The following KIAA0825 variants were observed in gnomAD, a reference collection of about 807,000 sequenced individuals.
KIAA0825 encodes the protein KIAA0825.
KIAA0825 carries 119 observed loss-of-function variants against 147.6 expected under a neutral mutation model. The ratio of observed to expected loss-of-function variants is 0.81; its 90% CI spans 0.69 to 0.94. The LOEUF is 0.94. Ranked by LOEUF, KIAA0825 falls within the 40% of genes least tolerant of loss-of-function variation. KIAA0825 has a pLI of 0.00. For missense variants in KIAA0825, 1,381 were observed against 1,472.7 expected, an observed-to-expected ratio of 0.94 and a Z score of 1.02; for synonymous variants, 470 against 518.1, an observed-to-expected ratio of 0.91 and a Z score of 1.26.
At chr5:94,283,888 T>G (rs986963046) in intron 20 of KIAA0825, among the ~76,000 whole-genome samples, 3 of 152,154 alleles carry the variant, frequency 2.0e-5, no homozygotes, top group African/African-American at 7.2e-5. Context: ...ACAGGAATAA[T>G]CTACTGATTT....
intron 20 of KIAA0825, among the ~76,000 whole-genome samples, chr5:94,315,617 A>G (rs1234832174): frequency 6.6e-6 from 1 of 151,742 alleles, no homozygotes; most frequent in Non-Finnish European, 1.5e-5. Flanking sequence ...GAAAAAATAA[A>G]AATAAGTACT....
chr5:94,570,410 A>G (rs62365668), intron 2 of KIAA0825: 59,577 of 153,228 alleles, frequency 0.39, 12,189 homozygotes, highest in Non-Finnish European at 0.47. Context: ...ACTAGGAGGC[A>G]TTCTAGCCCT....
At position 94,480,721 on chromosome 5, in the gene KIAA0825, G is replaced by C. The variant is rs555711322; in HGVS notation, c.1133-3516C>G. 6.7e-4 allele frequency among the ~76,000 whole-genome samples: 102 copies of C among 151,980 alleles called. No homozygotes were observed. In the Middle Eastern group the frequency reaches 0.027, roughly 41 times the overall value. On this transcript the variant is annotated intron_variant, in intron 6 of 20. Transcript: ENST00000682413. ...ATCTGCCTATATTCAAGATGACTAA[G>C]GAAAAAAAGAAGCTTTCCAAGATTC...
chr5:94,609,973 CT>C (rs1160579481), intron 1 of KIAA0825, among the ~76,000 whole-genome samples: 1 of 152,054 alleles, frequency 6.6e-6, no homozygotes, highest in Admixed American at 6.5e-5. Flanking sequence ...TTTCCGATGG[CT>C]AGCATGAATA....
chr5:94,564,110 A>G (rs2152301003), intron 2 of KIAA0825, among the ~76,000 whole-genome samples: 1 of 151,920 alleles, frequency 6.6e-6, no homozygotes. Flanking sequence ...TTTCTTCCCC[A>G]AAGGCTAATC....
At chr5:94,305,887 C>T (rs1432091265) in intron 20 of KIAA0825, among the ~76,000 whole-genome samples, 1 of 151,832 alleles carries the variant, frequency 6.6e-6, no homozygotes, top group African/African-American at 2.4e-5. Flanking sequence ...GCATCTAACT[C>T]GCAATTACTT....
chr5:94,308,335 GCACTTA>G (rs1312239695), intron 20 of KIAA0825, among the ~76,000 whole-genome samples: 1 of 151,654 alleles, frequency 6.6e-6, no homozygotes, highest in African/African-American at 2.4e-5. Context: ...TAGAATTTAA[GCACTTA>G]CAGGAGAGAG....
intron 20 of KIAA0825, among the ~76,000 whole-genome samples, chr5:94,324,751 A>T (rs918115144): frequency 3.9e-5 from 6 of 152,044 alleles, no homozygotes; most frequent in African/African-American, 1.4e-4. Context: ...AGACAAGGTC[A>T]CAGCATTTTA....
At chr5:94,417,980 C>T (rs1291302152) in intron 14 of KIAA0825, among the ~76,000 whole-genome samples, 1 of 152,074 alleles carries the variant, frequency 6.6e-6, no homozygotes, top group Non-Finnish European at 1.5e-5. Context: ...TCCTTTGGCT[C>T]CATAACAGCC....
At chr5:94,594,740 T>C (rs570845996) in intron 1 of KIAA0825, 34 of 627,832 alleles carry the variant, frequency 5.4e-5, no homozygotes, top group Admixed American at 2.4e-4. Context: ...CAACAAAGGA[T>C]GCTTGGATGG....
intron 2 of KIAA0825, among the ~76,000 whole-genome samples, chr5:94,558,853 A>T (rs184850840): frequency 1.7e-3 from 265 of 152,380 alleles, no homozygotes; most frequent in Non-Finnish European, 3.3e-3. Flanking sequence ...GGAAGAAAGC[A>T]ATGTCCTTAT....
chr5:94,618,275 G>A (rs1409069611), intron 1 of KIAA0825: 1 of 152,234 alleles, frequency 6.6e-6, no homozygotes, highest in East Asian at 1.9e-4. Context: ...GTGACCCGAG[G>A]TCGAGTTCCA....
rs57157204 is a variant in KIAA0825 at position 94,543,036 on chromosome 5, G to A, written c.-1-5909C>T. Among the ~76,000 whole-genome samples, 580 of 152,284 alleles carry A rather than the reference G, an allele frequency of 3.8e-3. 5 individuals are homozygous for A. The highest frequency in any genetic ancestry group is 0.013 in the African/African-American group (561 of 41,558). Reference sequence around the variant, plus strand: ...TTCTGTCCTGTGGTAAGTAAAGAATGTCACTTTCTAATAGAGCCAGGAGTT... The same window carrying A: ...TTCTGTCCTGTGGTAAGTAAAGAATATCACTTTCTAATAGAGCCAGGAGTT... On this transcript the variant is annotated intron_variant, in intron 2 of 20. Transcript: ENST00000682413.
In KIAA0825 at chr5:94,299,720, T is replaced by C. The variant is rs146229337; in HGVS notation, c.3710+84648A>G. Among the ~76,000 whole-genome samples the C allele has an allele frequency of 7.2e-5, 11 of 152,296 alleles. No homozygotes were observed. In the East Asian group the frequency reaches 2.1e-3, roughly 29 times the overall value. On this transcript the variant is annotated intron_variant, in intron 20 of 20. Transcript: ENST00000682413. ...CTAATAATAATTATAGAAGTTTAAA[T>C]GGCTTTTGGGAGCTTAAGTAAAAAG...
At chr5:94,166,682 A>G (rs1281068629) in intron 20 of KIAA0825, among the ~76,000 whole-genome samples, 2 of 151,322 alleles carry the variant, frequency 1.3e-5, no homozygotes, top group Non-Finnish European at 2.9e-5. Flanking sequence ...TAATTTTTGT[A>G]TTTTTAGTAG....
intron 10 of KIAA0825, among the ~76,000 whole-genome samples, chr5:94,468,208 A>G (rs1024387796): frequency 5.9e-5 from 9 of 152,180 alleles, no homozygotes; most frequent in Non-Finnish European, 1.3e-4. Context: ...CAGGTTCTCA[A>G]TGCATCCACT....
intron 20 of KIAA0825, among the ~76,000 whole-genome samples, chr5:94,247,462 G>A (rs1775688966): frequency 6.6e-6 from 1 of 152,028 alleles, no homozygotes; most frequent in Admixed American, 6.6e-5. Context: ...ATCGACCCAG[G>A]GGAAATGAGG....
chr5:94,462,077 A>G (rs1759908093), intron 12 of KIAA0825, among the ~76,000 whole-genome samples: 1 of 151,990 alleles, frequency 6.6e-6, no homozygotes, highest in African/African-American at 2.4e-5. Flanking sequence ...CAGGCCATCA[A>G]TATAATTTGA....
intron 20 of KIAA0825, among the ~76,000 whole-genome samples, chr5:94,380,030 T>A (rs1354633189): frequency 2.6e-5 from 4 of 151,848 alleles, no homozygotes; most frequent in Non-Finnish European, 4.4e-5. Context: ...ATTTCTCGTA[T>A]TTTTAGTAAA....
Sources: allele counts gnomAD v4.1 joint callset (sites outside exome capture counted in the v4.1 genomes callset), GRCh38; gene constraint gnomAD v4.1.1; transcripts MANE v1.5; gene names NCBI Gene and HGNC (gene_info 2026-07-23, HGNC 2026-07-21).